Variants in C5orf52 observed in about 807,000 individuals in gnomAD.
The protein encoded by C5orf52 is chromosome 5 open reading frame 52.
In C5orf52, 15 loss-of-function variants were observed where a neutral mutation model predicts 16.8. That is an observed-to-expected ratio of 0.89 (90% confidence interval 0.60 to 1.38). The LOEUF is 1.38. C5orf52 is among the 40% of genes most tolerant of loss of function. C5orf52 has a pLI of 0.00. For synonymous variants in C5orf52, 83 were observed against 87.2 expected (o/e 0.95, Z 0.27); for missense variants, 206 against 213.1 (o/e 0.97, Z 0.21).
In C5orf52 at chr5:157,671,825, A is replaced by C; in HGVS notation, c.211A>C (p.Ser71Arg). Reference protein sequence around the residue: ...PRSAQQPVLFSLMNSSEAAMK... With the variant: ...PRSAQQPVLFRLMNSSEAAMK... ...GTCCGCGCAGCAGCCGGTGCTGTTC[A>C]GGTGTGGCCCGCATGCCCAGAGCGT... The change falls in exon 1 of 3, where the codon AGC (serine) becomes CGC (arginine). Residue 71 changes from serine to arginine, a missense_variant and splice_region_variant. Coordinates refer to ENST00000409999, the MANE Select transcript of C5orf52 (RefSeq NM_001145132.2). 6.6e-7 allele frequency: 1 copy of C among 1,514,648 alleles called. No individual in the cohort carries two copies. Among genetic ancestry groups the C allele is most frequent in the East Asian group, 2.5e-5 (1 of 40,484 alleles). The allele number at this position is 1,514,648 out of a possible 1,614,324, so 93.8% of individuals were successfully genotyped here.
Position 157,671,580 on chromosome 5 carries a change from C to A in C5orf52, c.-35C>A. 1.3e-6 allele frequency: 2 copies of A among 1,518,012 alleles called. No homozygotes were observed. Among genetic ancestry groups the A allele is most frequent in the Non-Finnish European group, 1.8e-6 (2 of 1,126,458 alleles). The allele number at this position is 1,518,012 out of a possible 1,614,324, so 94.0% of individuals were successfully genotyped here. ...CCTAGGTGGGCTGGCAACCAGCCAC[C>A]AGTTTCCAACTCTTTCTCCAACAGG... is the stretch of plus-strand genomic sequence containing the variant. On this transcript the variant is annotated 5_prime_UTR_variant, in exon 1 of 3. Transcript: ENST00000409999.
chr5:157,674,974 G>T, intron 1 of C5orf52, 118 bp from the exon 2 acceptor site: 4 of 637,896 alleles, frequency 6.3e-6, no homozygotes, highest in Non-Finnish European at 1.1e-5. Flanking sequence ...TGACAGAGCT[G>T]CACTTGTCCC....
At chr5:157,672,718 A>T (rs756668666) in intron 1 of C5orf52, among the ~76,000 whole-genome samples, 1 of 152,130 alleles carries the variant, frequency 6.6e-6, no homozygotes, top group Non-Finnish European at 1.5e-5. Flanking sequence ...CTAAAAACAT[A>T]CACGACACTC....
At chr5:157,674,136 C>T (rs1312595826) in intron 1 of C5orf52, among the ~76,000 whole-genome samples, 4 of 151,964 alleles carry the variant, frequency 2.6e-5, no homozygotes, top group Admixed American at 1.3e-4. Flanking sequence ...TACCCCACCC[C>T]ACCCCATCTT....
At chr5:157,676,813 T>C (rs1335539470) in intron 2 of C5orf52, among the ~76,000 whole-genome samples, 1 of 152,066 alleles carries the variant, frequency 6.6e-6, no homozygotes, top group Non-Finnish European at 1.5e-5. Context: ...CCACCAGGTA[T>C]GTCTTCCATT....
rs139664265 is a variant in C5orf52 at position 157,673,227 on chromosome 5, C to T, written c.212+1401C>T. On this transcript the variant is annotated intron_variant, in intron 1 of 2. Transcript: ENST00000409999. ...GGTGGCTGGCCTGTGGTCCCAGTTACTCGGGAGCCTGAGGTGGGAGGATTG... is the reference window on the plus strand; with the variant it reads ...GGTGGCTGGCCTGTGGTCCCAGTTATTCGGGAGCCTGAGGTGGGAGGATTG... Among the ~76,000 whole-genome samples the T allele has an allele frequency of 5.7e-3, 862 of 151,968 alleles. 6 individuals carry two copies. The highest frequency in any genetic ancestry group is 0.017 in the African/African-American group (691 of 41,446).
intron 1 of C5orf52, among the ~76,000 whole-genome samples, chr5:157,674,708 G>T (rs1051446157): frequency 2.6e-5 from 4 of 152,098 alleles, no homozygotes; most frequent in Admixed American, 2.0e-4. Context: ...GGAGTTTGCA[G>T]TAAGCCAAGA....
upstream of C5orf52, chr5:157,671,345 C>T: frequency 1.9e-6 from 1 of 512,824 alleles, no homozygotes; most frequent in Non-Finnish European, 3.5e-6. Flanking sequence ...CCCACTTCTT[C>T]CAGACCCGTC....
At position 157,680,051 on chromosome 5, in the gene C5orf52, GC is replaced by G. The variant is rs1264053281; in HGVS notation, c.*56del. ...CACCCTAGTTCTGGCAAAGGGATCT[GC>G]CCCAGGGTCACGATGACACCAGTGT... On this transcript the variant is annotated 3_prime_UTR_variant, in exon 3 of 3. Coordinates refer to ENST00000409999, the MANE Select transcript of C5orf52 (RefSeq NM_001145132.2). 1 of 1,517,160 alleles carries G rather than the reference GC, an allele frequency of 6.6e-7. No homozygotes were observed. Among genetic ancestry groups the G allele is most frequent in the Admixed American group, 2.1e-5 (1 of 46,810 alleles). 94.0% of individuals were successfully genotyped at this position (1,517,160 alleles called of 1,614,324 possible). A position where few individuals can be genotyped will look rare whatever the true frequency, so the allele number is the denominator to read the frequency against.
At position 157,679,832 on chromosome 5, in the gene C5orf52, T is replaced by G. The variant is rs1759972503; in HGVS notation, c.322-9T>G. 1 of 1,545,072 alleles carries G rather than the reference T, an allele frequency of 6.5e-7. No homozygotes were observed. Among genetic ancestry groups the G allele is most frequent in the Non-Finnish European group, 8.7e-7 (1 of 1,145,206 alleles). On this transcript the variant is annotated splice_polypyrimidine_tract_variant and intron_variant, in intron 2 of 2. Transcript: ENST00000409999. ...TCTTGATCCTAACCTCACCTCTGTT[T>G]TTTGTAAGGTGAGCGCTTTAGAGAA...
intron 2 of C5orf52, among the ~76,000 whole-genome samples, chr5:157,678,623 G>A (rs2113867531): frequency 6.6e-6 from 1 of 152,208 alleles, no homozygotes; most frequent in African/African-American, 2.4e-5. Flanking sequence ...CACCCAGCTA[G>A]GTTTTTTTTG....
At chr5:157,671,963 G>C in intron 1 of C5orf52, 137 bp downstream of exon 1, 1 of 571,632 alleles carries the variant, frequency 1.7e-6, no homozygotes, top group Middle Eastern at 4.7e-4. Context: ...TCGTAGCCCC[G>C]GGCACCAGCA....
Position 157,671,635 on chromosome 5 carries a change from C to T in C5orf52, c.21C>T (p.Pro7=). MTQPTR[P]SVTCDQGSST... ...CCGCAATGACACAGCCGACTAGGCC[C>T]TCGGTCACCTGTGACCAGGGATCCT... The change falls in exon 1 of 3, where the codon CCC becomes CCT. Residue 7 remains proline (P), a synonymous_variant. Transcript: ENST00000409999. 1 of 1,550,644 alleles carries T rather than the reference C, an allele frequency of 6.4e-7. No homozygotes were observed. Among genetic ancestry groups the T allele is most frequent in the Non-Finnish European group, 8.7e-7 (1 of 1,146,530 alleles).
At position 157,674,686 on chromosome 5, in the gene C5orf52, T is replaced by C. The variant is rs920583097; in HGVS notation, c.213-406T>C. Among the ~76,000 whole-genome samples the C allele has an allele frequency of 5.3e-5, 8 of 152,196 alleles. 1 individual carries two copies. Among genetic ancestry groups the C allele is most frequent in the Middle Eastern group, 3.4e-3 (1 of 294 alleles). On this transcript the variant is annotated intron_variant, in intron 1 of 2. Coordinates refer to ENST00000409999, the MANE Select transcript of C5orf52 (RefSeq NM_001145132.2). ...AGGAGGCCGAGGCAGGAGAATTGCTTGAACTGGAGGTGGAGTTTGCAGTAA... is the reference window on the plus strand; with the variant it reads ...AGGAGGCCGAGGCAGGAGAATTGCTCGAACTGGAGGTGGAGTTTGCAGTAA...
At chr5:157,677,205 G>A (rs1304125585) in intron 2 of C5orf52, among the ~76,000 whole-genome samples, 1 of 152,148 alleles carries the variant, frequency 6.6e-6, no homozygotes, top group Non-Finnish European at 1.5e-5. Flanking sequence ...GTAGAGGCCA[G>A]GGACACTGCT....
In C5orf52 at chr5:157,671,682, C is replaced by T. The variant is rs1193526458; in HGVS notation, c.68C>T (p.Ala23Val). The change falls in exon 1 of 3, where the codon GCC (alanine) becomes GTC (valine). Residue 23 changes from alanine (A) to valine (V), a missense_variant. Physicochemically the swap from Ala to Val is moderately conservative, Grantham distance 64. Transcript: ENST00000409999. ...QGSSTIGGTAAQATTSSSATS... is the reference protein window; with the variant it reads ...QGSSTIGGTAVQATTSSSATS... ...TCCTCCACGATCGGCGGGACCGCCG[C>T]CCAGGCGACCACCAGTTCCAGCGCC... 4 of 1,551,350 alleles carry T rather than the reference C, an allele frequency of 2.6e-6. No individual in the cohort carries two copies. The highest frequency in any genetic ancestry group is 3.5e-6 in the Non-Finnish European group (4 of 1,146,894).
At chr5:157,671,405 A>C, upstream of C5orf52, 1 of 563,550 alleles carries the variant, frequency 1.8e-6, no homozygotes. Flanking sequence ...GCCGAGGGAC[A>C]ATATTACCGC....
At chr5:157,676,330 C>T (rs1759894399) in intron 2 of C5orf52, among the ~76,000 whole-genome samples, 3 of 152,184 alleles carry the variant, frequency 2.0e-5, no homozygotes, top group African/African-American at 7.2e-5. Flanking sequence ...ACCTCAGACT[C>T]CCAAAGTGCT....
At chr5:157,677,426 C>A (rs180939248) in intron 2 of C5orf52, among the ~76,000 whole-genome samples, 1 of 151,954 alleles carries the variant, frequency 6.6e-6, no homozygotes, top group African/African-American at 2.4e-5. Context: ...AAGGCCGAGG[C>A]GGGCGGATCA....
Sources: allele counts gnomAD v4.1 joint callset (sites outside exome capture counted in the v4.1 genomes callset), GRCh38; gene constraint gnomAD v4.1.1; transcripts MANE v1.5; gene names NCBI Gene and HGNC (gene_info 2026-07-23, HGNC 2026-07-21).